The following NBPF9 variants were observed in gnomAD, a reference collection of about 807,000 sequenced individuals.
The protein encoded by NBPF9 is NBPF family member NBPF9.
In NBPF9, 91 loss-of-function variants were observed where a neutral mutation model predicts 97.8. The observed-to-expected ratio is 0.93, with a 90% confidence interval of 0.79 to 1.11. The LOEUF (loss-of-function observed/expected upper bound fraction) is 1.11. Among genes scored for constraint, NBPF9 ranks in the 50% least tolerant of loss-of-function variants. The pLI is 0.00. For synonymous variants in NBPF9, 334 were observed against 359.5 expected (o/e 0.93, Z 0.80); for missense variants, 992 against 939.5 (o/e 1.06, Z -0.73).
At chr1:149,055,434 T>C (rs1553648501) in exon 30 of NBPF9, 4 of 737,936 alleles carry the variant, frequency 5.4e-6, no homozygotes, top group Non-Finnish European at 8.7e-6. Flanking sequence ...ACTCCCGGCA[T>C]GTGCTGCACA....
intron 16 of NBPF9, among the ~76,000 whole-genome samples, chr1:149,070,432 T>A (rs1185511480): frequency 6.6e-6 from 1 of 150,972 alleles, no homozygotes; most frequent in Non-Finnish European, 1.5e-5. Context: ...TGGAAATATA[T>A]CACCAAAGTA....
chr1:149,055,814 A>G, exon 30 of NBPF9: 1 of 1,610,112 alleles, frequency 6.2e-7, no homozygotes. Flanking sequence ...GGTAGTTCAA[A>G]GTACATTGAC....
chr1:149,065,220 A>T (rs1452967584), intron 18 of NBPF9: 502 of 698,534 alleles, frequency 7.2e-4, no homozygotes, highest in Non-Finnish European at 5.1e-4. Flanking sequence ...CTGACAGACA[A>T]CTCCTGGGCA....
intron 12 of NBPF9, 26 bp downstream of exon 12, chr1:149,075,629 C>A: frequency 6.3e-7 from 1 of 1,594,364 alleles, no homozygotes; most frequent in South Asian, 1.1e-5. Context: ...TCATCACTTT[C>A]GTGATGGTGA....
At chr1:149,079,800 A>C (rs2080249387) in intron 8 of NBPF9, among the ~76,000 whole-genome samples, 1 of 152,262 alleles carries the variant, frequency 6.6e-6, no homozygotes, top group South Asian at 2.1e-4. Context: ...CCTTTGGTGA[A>C]TTTTGTGTTA....
chr1:149,062,131 A>G (rs782534201), exon 22 of NBPF9: 3 of 1,107,374 alleles, frequency 2.7e-6, no homozygotes, highest in Non-Finnish European at 4.1e-6. Flanking sequence ...CTGTTCCTCC[A>G]ATGAGTAAAC....
intron 16 of NBPF9, 30 bp downstream of exon 16, chr1:149,070,904 G>A (rs781892990): frequency 6.2e-7 from 1 of 1,605,822 alleles, no homozygotes; most frequent in Non-Finnish European, 8.5e-7. Context: ...CCTAGAGAGA[G>A]GTATGAGACA....
Position 149,056,064 on chromosome 1 carries a change from G to C in NBPF9, c.3093-165C>G, listed in dbSNP as rs587626291. Among the ~76,000 whole-genome samples, 3 of 152,078 alleles carry C rather than the reference G, an allele frequency of 2.0e-5. No homozygotes were observed. In the South Asian group the frequency reaches 6.2e-4, roughly 32 times the overall value. On this transcript the variant is annotated intron_variant, in intron 29 of 29. Transcript: ENST00000584027. ...ATTGCCTTTATGTTGGGATAGAACA[G>C]GGCCAGGTAGAAAACAATGAAAGAG...
intron 5 of NBPF9, among the ~76,000 whole-genome samples, chr1:149,082,968 T>C (rs2080639145): frequency 7.9e-6 from 1 of 126,682 alleles, no homozygotes; most frequent in South Asian, 2.8e-4. Context: ...TTTTTTTTTT[T>C]TTTTTTTTTT....
At chr1:149,076,188 AT>A (rs797041636) in intron 11 of NBPF9, among the ~76,000 whole-genome samples, 1 of 151,396 alleles carries the variant, frequency 6.6e-6, no homozygotes, top group East Asian at 1.9e-4. Flanking sequence ...TGCTTTTTTA[AT>A]TTTTTTCTTT....
exon 25 of NBPF9, chr1:149,059,795 C>G (rs1426583373): frequency 1.9e-6 from 1 of 527,882 alleles, no homozygotes; most frequent in African/African-American, 2.6e-5. Context: ...TCCCCTTCCC[C>G]TTCTTTTCAA....
rs1341371924 is a variant in NBPF9 at position 149,103,300 on chromosome 1, C to A, written c.-843+1G>T. On this transcript the variant is annotated splice_donor_variant, in intron 1 of 29. Transcript: ENST00000584027. LOFTEE classifies it low-confidence loss of function (5UTR_SPLICE). ...CGCCCGGCCTGGCGCGGCGCCTTCA[C>A]CTCGGAAACGCTGGGTGGACTTCGC... The A allele has an allele frequency of 1.3e-5, 2 of 151,706 alleles. No homozygotes were observed. Among genetic ancestry groups the A allele is most frequent in the Admixed American group, 6.6e-5 (1 of 15,258 alleles). 9.4% of individuals were successfully genotyped at this position (151,706 alleles called of 1,614,324 possible).
intron 5 of NBPF9, among the ~76,000 whole-genome samples, chr1:149,082,756 T>A (rs1381394141): frequency 6.8e-6 from 1 of 147,772 alleles, no homozygotes; most frequent in Admixed American, 6.7e-5. Flanking sequence ...AAAAATGGAA[T>A]CATTTAGTAT....
In NBPF9 at chr1:149,072,937, G is replaced by A. The variant is rs2079536430; in HGVS notation, c.1092-5C>T. ...TGAACCAGGACTTTATATTGCCTAAGGTGAGATGGTAGAGAAAAATTAAGA... is the reference window on the plus strand; with the variant it reads ...TGAACCAGGACTTTATATTGCCTAAAGTGAGATGGTAGAGAAAAATTAAGA... On this transcript the variant is annotated splice_region_variant and splice_polypyrimidine_tract_variant and intron_variant, in intron 13 of 29. Coordinates refer to ENST00000584027, the Ensembl canonical transcript of NBPF9. The A allele has an allele frequency of 1.2e-6, 2 of 1,606,732 alleles. No homozygotes were observed. Among genetic ancestry groups the A allele is most frequent in the Non-Finnish European group, 1.7e-6 (2 of 1,175,654 alleles).
intron 5 of NBPF9, among the ~76,000 whole-genome samples, chr1:149,082,952 CTTTTCTTTTTTTTTTT>C (rs2080624607): frequency 3.3e-5 from 2 of 61,004 alleles, no homozygotes; most frequent in African/African-American, 1.2e-4. Context: ...GCTAATTTTT[CTTTTCTTTTTTTTTTT>C]TTTTTTTTTT....
At chr1:149,076,742 T>C (rs2079907757) in intron 11 of NBPF9, among the ~76,000 whole-genome samples, 2 of 146,704 alleles carry the variant, frequency 1.4e-5, no homozygotes, top group African/African-American at 5.0e-5. Flanking sequence ...TCTCCTGACC[T>C]CCTGATCCAC....
At chr1:149,071,072 A>C in exon 16 of NBPF9, 1 of 1,611,090 alleles carries the variant, frequency 6.2e-7, no homozygotes, top group Non-Finnish European at 8.5e-7. Flanking sequence ...TGGCTATTTG[A>C]ATAAGTGATG....
chr1:149,062,316 C>T (rs1455986319), intron 21 of NBPF9, 51 bp from the exon 22 acceptor site: 1 of 620,536 alleles, frequency 1.6e-6, no homozygotes, highest in Non-Finnish European at 2.9e-6. Flanking sequence ...TCAGAAACCA[C>T]ACAGCCCCAG....
intron 7 of NBPF9, among the ~76,000 whole-genome samples, chr1:149,081,277 G>A (rs1425155768): frequency 3.3e-5 from 5 of 152,104 alleles, no homozygotes; most frequent in African/African-American, 9.6e-5. Flanking sequence ...CCTCCACGAC[G>A]CCCATCTACT....
Sources: allele counts gnomAD v4.1 joint callset (sites outside exome capture counted in the v4.1 genomes callset), GRCh38; gene constraint gnomAD v4.1.1; transcripts MANE v1.5; gene names NCBI Gene and HGNC (gene_info 2026-07-23, HGNC 2026-07-21).